Variants in PKP3 observed in about 807,000 individuals in gnomAD.
PKP3 encodes plakophilin 3.
In PKP3, 66 loss-of-function variants were observed where a neutral mutation model predicts 76.5. The observed-to-expected ratio is 0.86, with a 90% CI of 0.71 to 1.06. The LOEUF (loss-of-function observed/expected upper bound fraction) is 1.06. Ranked by LOEUF, PKP3 falls within the 50% of genes least tolerant of loss-of-function variation. PKP3 has a pLI of 0.00. For synonymous variants in PKP3, 638 were observed against 516.5 expected (o/e 1.24, Z -3.19); for missense variants, 1,338 against 1,141.0 (o/e 1.17, Z -2.49).
chr11:400,370 G>T lies in PKP3; in HGVS notation c.1485G>T (p.Lys495Asn). 6.5e-7 allele frequency: 1 copy of T among 1,549,672 alleles called. No individual in the cohort carries two copies. The highest frequency in any genetic ancestry group is 8.7e-7 in the Non-Finnish European group (1 of 1,146,524). ...CAGCCTCTCAGGCCACTCGCCAGAA[G>T]ATGCGGGAGTGCCACGGGCTGGTGG... Reference protein sequence around the residue: ...LSSASQATRQKMRECHGLVDA... With the variant: ...LSSASQATRQNMRECHGLVDA... Residue 495 changes from lysine (K) to asparagine (N), a missense_variant, in exon 7 of 13, where the codon AAG becomes AAT. Physicochemically the swap from Lys to Asn is moderately conservative, Grantham distance 94. Coordinates refer to ENST00000331563, the MANE Select transcript of PKP3 (RefSeq NM_007183.4).
rs1345544203 is a variant in PKP3, at chr11:396,816, C to A, written c.315C>A (p.Gly105=). The part of the protein sequence containing the change: ...SQGLSGDKTS[G]FRPIAKPAYS... ...CACCGCCCCCTCTCGACCCACAGGG[C>A]TTCCGGCCCATCGCCAAGCCGGCCT... Residue 105 remains glycine, a splice_region_variant and synonymous_variant, in exon 3 of 13, where the codon GGC becomes GGA. Transcript: ENST00000331563. The A allele has an allele frequency of 6.3e-7, 1 of 1,584,188 alleles. No individual in the cohort carries two copies. Among genetic ancestry groups the A allele is most frequent in the Admixed American group, 1.7e-5 (1 of 58,260 alleles).
At chr11:398,949 C>T (rs1014448399) in intron 4 of PKP3, 43 bp from the exon 5 acceptor site, 2 of 1,383,004 alleles carry the variant, frequency 1.4e-6, no homozygotes, top group Admixed American at 2.1e-5. Context: ...AGTCTGCATC[C>T]ATCCACATGC....
Position 400,621 on chromosome 11 carries a change from G to C in PKP3, c.1653G>C (p.Glu551Asp). The change falls in exon 8 of 13, where the codon GAG becomes GAC. Residue 551 changes from glutamate to aspartate, a missense_variant. Coordinates refer to ENST00000331563, the MANE Select transcript of PKP3 (RefSeq NM_007183.4). ...EMPPSALQRLEGRGRRDLAGA... is the reference protein window; with the variant it reads ...EMPPSALQRLDGRGRRDLAGA... ...CGCCGTCCGCGCTGCAGCGGCTGGA[G>C]GGTCGCGGCCGCAGGGACCTGGCGG... 2 of 1,427,362 alleles carry C rather than the reference G, an allele frequency of 1.4e-6. No individual in the cohort carries two copies. The highest frequency in any genetic ancestry group is 1.8e-6 in the Non-Finnish European group (2 of 1,099,656). 88.4% of individuals were successfully genotyped at this position (1,427,362 alleles called of 1,614,324 possible).
rs1382780415 is a variant in PKP3 at position 397,282 on chromosome 11, C to G, written c.781C>G (p.Arg261Gly). The change falls in exon 3 of 13, where the codon CGC becomes GGC. Residue 261 changes from arginine to glycine, a missense_variant. Physicochemically the swap from Arg to Gly is moderately radical, Grantham distance 125. Coordinates refer to ENST00000331563, the MANE Select transcript of PKP3 (RefSeq NM_007183.4). ...LQRFQSSHRS[R>G]GVGGAVPGAV... ...GCGATTCCAGAGCAGCCACCGGAGC[C>G]GCGGGGTAGGCGGGGCAGTGCCGGG... The G allele has an allele frequency of 3.1e-6, 5 of 1,596,164 alleles. No individual in the cohort carries two copies. Among genetic ancestry groups the G allele is most frequent in the Non-Finnish European group, 4.3e-6 (5 of 1,174,778 alleles).
rs772045788 is a variant in PKP3 at position 403,194 on chromosome 11, C to T, written c.1854C>T (p.Cys618=). Residue 618 remains cysteine, a synonymous_variant, in exon 9 of 13, where the codon TGC becomes TGT. Coordinates refer to ENST00000331563, the MANE Select transcript of PKP3 (RefSeq NM_007183.4). ...TGTACAACCGGCTGCTGCAGCGCTGCGAGCTCAACCGGCACACGACGGAGG... is the reference window on the plus strand; with the variant it reads ...TGTACAACCGGCTGCTGCAGCGCTGTGAGCTCAACCGGCACACGACGGAGG... ...VGLYNRLLQR[C]ELNRHTTEAA... is the part of the protein sequence containing the mutation. 2.5e-6 allele frequency: 4 copies of T among 1,589,970 alleles called. No individual in the cohort carries two copies. The highest frequency in any genetic ancestry group is 2.3e-5 in the East Asian group (1 of 43,698).
chr11:396,849 A>G lies in PKP3; in HGVS notation c.348A>G (p.Pro116=), dbSNP rs1268753090. The G allele has an allele frequency of 1.3e-6, 2 of 1,599,718 alleles. No homozygotes were observed. The highest frequency in any genetic ancestry group is 3.4e-5 in the Admixed American group (2 of 59,402). ...CCATCGCCAAGCCGGCCTACAGCCCAGCCTCCTGGTCCTCCCGCTCCGCCG... is the reference window on the plus strand; with the variant it reads ...CCATCGCCAAGCCGGCCTACAGCCCGGCCTCCTGGTCCTCCCGCTCCGCCG... The part of the protein sequence containing the change: ...FRPIAKPAYS[P]ASWSSRSAVD... Residue 116 remains proline, a synonymous_variant, in exon 3 of 13, where the codon CCA becomes CCG. Transcript: ENST00000331563.
chr11:397,069 G>T lies in PKP3; in HGVS notation c.568G>T (p.Gly190Cys). 1 of 1,598,822 alleles carries T rather than the reference G, an allele frequency of 6.3e-7. No homozygotes were observed. ...SLRSLRLGPG[G>C]LDDRYSLVSE... ...GCGCTCGCTGCGGCTGGGGCCCGGG[G>T]GCCTGGACGACCGCTACAGCCTGGT... The change falls in exon 3 of 13, where the codon GGC (glycine) becomes TGC (cysteine). Residue 190 changes from glycine to cysteine, a missense_variant. Gly to Cys is a radical substitution (Grantham distance 159). Transcript: ENST00000331563.
rs771899111 is a variant in PKP3, at chr11:403,120, A to G, written c.1780A>G (p.Lys594Glu). ...ADALTFAEVSKDPKGLEWLWS... is the reference protein window; with the variant it reads ...ADALTFAEVSEDPKGLEWLWS... ...TGCGCTCACCTTCGCGGAGGTGTCCAAGGACCCCAAGGGCCTCGAGTGGCT... is the reference window on the plus strand; with the variant it reads ...TGCGCTCACCTTCGCGGAGGTGTCCGAGGACCCCAAGGGCCTCGAGTGGCT... Residue 594 changes from lysine (K) to glutamate (E), a missense_variant, in exon 9 of 13, where the codon AAG (lysine) becomes GAG (glutamate). Coordinates refer to ENST00000331563, the MANE Select transcript of PKP3 (RefSeq NM_007183.4). The G allele has an allele frequency of 9.6e-6, 15 of 1,560,540 alleles. No homozygotes were observed. In the South Asian group the frequency reaches 1.6e-4, roughly 17 times the overall value.
In PKP3 at chr11:396,673, G is replaced by A; in HGVS notation, c.298G>A (p.Gly100Arg). 1.9e-6 allele frequency: 3 copies of A among 1,610,972 alleles called. No individual in the cohort carries two copies. The highest frequency in any genetic ancestry group is 2.7e-5 in the African/African-American group (2 of 75,038). Residue 100 changes from glycine (G) to arginine (R), a missense_variant, in exon 2 of 13, where the codon GGG (glycine) becomes AGG (arginine). Coordinates refer to ENST00000331563, the MANE Select transcript of PKP3 (RefSeq NM_007183.4). The stretch of plus-strand genomic sequence containing the variant: ...CAGCTCTCGCTCTCAGGGCCTGAGT[G>A]GGGACAAGACCTCGGTGAGCGATGG... ...GFSSRSQGLS[G>R]DKTSGFRPIA...
Position 404,670 on chromosome 11 carries a change from C to T in PKP3, c.*101C>T, listed in dbSNP as rs1392194783. 19 of 1,206,238 alleles carry T rather than the reference C, an allele frequency of 1.6e-5. No individual in the cohort carries two copies. Among genetic ancestry groups the T allele is most frequent in the South Asian group, 6.3e-5 (5 of 79,638 alleles). 74.7% of individuals were successfully genotyped at this position (1,206,238 alleles called of 1,614,324 possible). ...CCAGCCTGGAGGAGAAGGCTAATGA[C>T]GGAGGGGCCCCTCGCTGGGGCCCCT... On this transcript the variant is annotated 3_prime_UTR_variant, in exon 13 of 13. Transcript: ENST00000331563. The surrounding 1 kb of genome is among the most constrained non-coding windows in gnomAD (Gnocchi z 4.2).
At chr11:403,559 C>A in intron 9 of PKP3, 59 bp from the exon 10 acceptor site, 5 of 1,523,808 alleles carry the variant, frequency 3.3e-6, no homozygotes, top group South Asian at 1.1e-5. Context: ...TGTGGCAGGA[C>A]CCCCTCAGGT....
At chr11:400,165 G>A in intron 6 of PKP3, 24 bp downstream of exon 6, 2 of 1,518,062 alleles carry the variant, frequency 1.3e-6, no homozygotes, top group Non-Finnish European at 1.8e-6. Context: ...GGGCAGCGGG[G>A]TGGGGATTGC....
In PKP3 at chr11:403,652, A is replaced by G; in HGVS notation, c.1958A>G (p.Gln653Arg). 1 of 1,609,156 alleles carries G rather than the reference A, an allele frequency of 6.2e-7. No individual in the cohort carries two copies. The highest frequency in any genetic ancestry group is 8.5e-7 in the Non-Finnish European group (1 of 1,179,816). ...GTGCTGAGCCGCCTGGCCCTGGAGC[A>G]GGAGCGTATTCTGAACCCCCTGCTA... ...AGVLSRLALE[Q>R]ERILNPLLDR... Residue 653 changes from glutamine to arginine, a missense_variant, in exon 10 of 13, where the codon CAG becomes CGG. Gln to Arg is a conservative substitution (Grantham distance 43, BLOSUM62 1). Transcript: ENST00000331563.
At chr11:392,646 C>T (rs140973831), upstream of PKP3, 7 of 1,286,834 alleles carry the variant, frequency 5.4e-6, no homozygotes, top group East Asian at 5.6e-5. Context: ...CTGGACACCT[C>T]GGCCGTCAGC....
Position 404,142 on chromosome 11 carries a change from G to T in PKP3, c.2270+7G>T, listed in dbSNP as rs1180245310. The T allele has an allele frequency of 3.7e-6, 6 of 1,608,412 alleles. No individual in the cohort carries two copies. Among genetic ancestry groups the T allele is most frequent in the Non-Finnish European group, 5.1e-6 (6 of 1,177,172 alleles). On this transcript the variant is annotated splice_region_variant and intron_variant, in intron 11 of 12. Transcript: ENST00000331563. The surrounding 1 kb of genome is among the most constrained non-coding windows in gnomAD (Gnocchi z 4.2). ...TCAAGAAGAAGCGGGACAGGTAGGG[G>T]CCGACCCAGCCGTGCAGCAGCCTGG...
intron 5 of PKP3, among the ~76,000 whole-genome samples, chr11:399,653 G>T (rs972409462): frequency 6.9e-6 from 1 of 145,590 alleles, no homozygotes; most frequent in Non-Finnish European, 1.5e-5. Flanking sequence ...TTTGCCGGCC[G>T]TGTTTCTACT....
chr11:394,501 A>C lies in PKP3; in HGVS notation c.209A>C (p.Glu70Ala). The C allele has an allele frequency of 7.2e-7, 1 of 1,394,458 alleles. No individual in the cohort carries two copies. Among genetic ancestry groups the C allele is most frequent in the Non-Finnish European group, 9.2e-7 (1 of 1,082,196 alleles). 86.4% of individuals were successfully genotyped at this position (1,394,458 alleles called of 1,614,324 possible). A position where few individuals can be genotyped will look rare whatever the true frequency, so the allele number is the denominator to read the frequency against. Residue 70 changes from glutamate to alanine, a missense_variant, in exon 1 of 13, where the codon GAG (glutamate) becomes GCG (alanine). Coordinates refer to ENST00000331563, the MANE Select transcript of PKP3 (RefSeq NM_007183.4). Reference sequence around the variant, plus strand: ...CGGCACAACGGGGCCGCTGAGCCCGAGCCTGAGGCCGAGACTGCCAGAGGT... The same window carrying C: ...CGGCACAACGGGGCCGCTGAGCCCGCGCCTGAGGCCGAGACTGCCAGAGGT... The part of the protein sequence containing the change: ...QPRHNGAAEP[E>A]PEAETARGTS...
In PKP3 at chr11:403,189, C is replaced by A; in HGVS notation, c.1849C>A (p.Arg617Ser). The change falls in exon 9 of 13, where the codon CGC becomes AGC. Residue 617 changes from arginine to serine, a missense_variant. Arg to Ser is a moderately radical substitution (Grantham distance 110, BLOSUM62 -1). Coordinates refer to ENST00000331563, the MANE Select transcript of PKP3 (RefSeq NM_007183.4). The stretch of plus-strand genomic sequence containing the variant: ...GGGGCTGTACAACCGGCTGCTGCAG[C>A]GCTGCGAGCTCAACCGGCACACGAC... Reference protein sequence around the residue: ...IVGLYNRLLQRCELNRHTTEA... With the variant: ...IVGLYNRLLQSCELNRHTTEA... 1 of 1,589,428 alleles carries A rather than the reference C, an allele frequency of 6.3e-7. No individual in the cohort carries two copies. Among genetic ancestry groups the A allele is most frequent in the Non-Finnish European group, 8.5e-7 (1 of 1,169,972 alleles).
Position 400,348 on chromosome 11 carries a change from C to G in PKP3, c.1463C>G (p.Ala488Gly). Residue 488 changes from alanine to glycine, a missense_variant, in exon 7 of 13, where the codon GCC becomes GGC. Ala to Gly is a moderately conservative substitution (Grantham distance 60). Coordinates refer to ENST00000331563, the MANE Select transcript of PKP3 (RefSeq NM_007183.4). ...TCGGTCCCCAGGAACCTCAGCTCAG[C>G]CTCTCAGGCCACTCGCCAGAAGATG... ...ATGFLRNLSS[A>G]SQATRQKMRE... The G allele has an allele frequency of 6.5e-7, 1 of 1,549,136 alleles. No homozygotes were observed. The highest frequency in any genetic ancestry group is 2.0e-5 in the Admixed American group (1 of 51,034).
Sources: allele counts gnomAD v4.1 joint callset (sites outside exome capture counted in the v4.1 genomes callset), GRCh38; gene constraint gnomAD v4.1.1; non-coding constraint Gnocchi (gnomAD v3.1); transcripts MANE v1.5; gene names NCBI Gene and HGNC (gene_info 2026-07-23, HGNC 2026-07-21).